ARHGAP32: variants seen among roughly 807,000 people sequenced by gnomAD.
ARHGAP32 encodes the protein Rho GTPase activating protein 32, also known as rho GTPase-activating protein 32.
In ARHGAP32, 51 loss-of-function variants were observed where a neutral mutation model predicts 186.5. That is an observed-to-expected ratio of 0.27 (90% confidence interval 0.22 to 0.35). The LOEUF is 0.35. Among genes scored for constraint, ARHGAP32 ranks in the 10% least tolerant of loss-of-function variants. The pLI is 1.00. For synonymous variants in ARHGAP32, 950 were observed against 964.3 expected (o/e 0.99, Z 0.27); for missense variants, 2,186 against 2,623.5 (o/e 0.83, Z 3.64).
intron 1 of ARHGAP32, among the ~76,000 whole-genome samples, chr11:129,262,395 T>G (rs1280249809): frequency 6.6e-6 from 1 of 152,156 alleles, no homozygotes; most frequent in Non-Finnish European, 1.5e-5. Flanking sequence ...TACTTTTTTT[T>G]TTTTTTGAGA....
At chr11:129,206,278 C>T (rs1382211535) in intron 1 of ARHGAP32, among the ~76,000 whole-genome samples, 1 of 152,162 alleles carries the variant, frequency 6.6e-6, no homozygotes, top group African/African-American at 2.4e-5. Context: ...GCAACACGGT[C>T]ATAACTCACT....
chr11:129,065,170 T>C (rs1252988577), intron 7 of ARHGAP32, among the ~76,000 whole-genome samples: 1 of 152,176 alleles, frequency 6.6e-6, no homozygotes, highest in Non-Finnish European at 1.5e-5. Context: ...TACTATTCCA[T>C]GGTTTCTAAT....
intron 5 of ARHGAP32, among the ~76,000 whole-genome samples, chr11:129,120,608 A>G (rs1942502344): frequency 6.6e-6 from 1 of 152,152 alleles, no homozygotes; most frequent in South Asian, 2.1e-4. Flanking sequence ...ATTTCATTCC[A>G]GAACTAAAAG....
At chr11:129,243,867 C>T (rs1945052502) in intron 1 of ARHGAP32, among the ~76,000 whole-genome samples, 2 of 152,212 alleles carry the variant, frequency 1.3e-5, no homozygotes, top group African/African-American at 4.8e-5. Flanking sequence ...TATTAGAGCT[C>T]TCGTAGCACT....
At chr11:129,174,241 A>T (rs966636425) in intron 1 of ARHGAP32, among the ~76,000 whole-genome samples, 2 of 152,226 alleles carry the variant, frequency 1.3e-5, no homozygotes, top group Non-Finnish European at 2.9e-5. Flanking sequence ...GACGGGCCTA[A>T]AAAATGGCGC....
chr11:129,038,091 A>G (rs1460041117), intron 11 of ARHGAP32, among the ~76,000 whole-genome samples: 1 of 151,864 alleles, frequency 6.6e-6, no homozygotes, highest in Non-Finnish European at 1.5e-5. Flanking sequence ...ACAGAGCAAG[A>G]CTCTGCCTCA....
At chr11:129,193,580 A>ATG (rs1944323780), upstream of ARHGAP32, among the ~76,000 whole-genome samples, 1 of 59,020 alleles carries the variant, frequency 1.7e-5, no homozygotes, top group Non-Finnish European at 3.1e-5. Flanking sequence ...ATATATATAT[A>ATG]TTATATAATA....
chr11:129,126,040 C>A, intron 2 of ARHGAP32: 1 of 439,704 alleles, frequency 2.3e-6, no homozygotes, highest in Non-Finnish European at 4.5e-6. Context: ...AAAGTTACTT[C>A]ATAATCCTAG....
intron 1 of ARHGAP32, among the ~76,000 whole-genome samples, chr11:129,228,845 T>C (rs1286342079): frequency 1.3e-5 from 2 of 152,158 alleles, no homozygotes; most frequent in African/African-American, 4.8e-5. Context: ...CCTGCACATG[T>C]ATCCCAGAAC....
upstream of ARHGAP32, among the ~76,000 whole-genome samples, chr11:129,193,704 T>TATATA (rs1944346282): frequency 4.9e-5 from 1 of 20,470 alleles, no homozygotes; most frequent in Non-Finnish European, 8.3e-5. Context: ...TAATATATAA[T>TATATA]ATATATTATA....
intron 1 of ARHGAP32, among the ~76,000 whole-genome samples, chr11:129,230,806 G>C (rs1192125969): frequency 6.6e-6 from 1 of 151,938 alleles, no homozygotes; most frequent in African/African-American, 2.4e-5. Flanking sequence ...CCATAAAAAA[G>C]AGCCCAAAAT....
chr11:129,078,838 G>A (rs570239286), intron 6 of ARHGAP32, among the ~76,000 whole-genome samples: 1 of 151,672 alleles, frequency 6.6e-6, no homozygotes, highest in East Asian at 1.9e-4. Context: ...AGAGAAAGGT[G>A]AAACCAACTT....
At position 129,057,362 on chromosome 11, in the gene ARHGAP32, C is replaced by G. The variant is rs577765571; in HGVS notation, c.963+4918G>C. On this transcript the variant is annotated intron_variant, in intron 10 of 22. Transcript: ENST00000682385. ...GAAACCAGCCTGGCTCAGGTAGGGACCTGTTCCCCACCAAGTCTATGTAAG... is the reference window on the plus strand; with the variant it reads ...GAAACCAGCCTGGCTCAGGTAGGGAGCTGTTCCCCACCAAGTCTATGTAAG... Among the ~76,000 whole-genome samples, 7 of 152,184 alleles carry G rather than the reference C, an allele frequency of 4.6e-5. No individual in the cohort carries two copies. In the South Asian group the frequency reaches 1.5e-3, roughly 32 times the overall value.
At chr11:129,261,968 A>G (rs1287256303) in intron 1 of ARHGAP32, among the ~76,000 whole-genome samples, 4 of 152,196 alleles carry the variant, frequency 2.6e-5, no homozygotes, top group African/African-American at 7.2e-5. Flanking sequence ...ATGTTTAGCG[A>G]TTACCATAAC....
chr11:129,100,381 T>C (rs972100601), intron 5 of ARHGAP32, among the ~76,000 whole-genome samples: 1 of 152,130 alleles, frequency 6.6e-6, no homozygotes, highest in Non-Finnish European at 1.5e-5. Context: ...TCCTGGGAGC[T>C]ATATCACAGC....
chr11:129,034,722 T>A (rs564308807), intron 11 of ARHGAP32, among the ~76,000 whole-genome samples: 18 of 70,022 alleles, frequency 2.6e-4, no homozygotes, highest in Admixed American at 8.0e-4. Flanking sequence ...GTATCCAAAC[T>A]GAAAACAAAA....
intron 2 of ARHGAP32, among the ~76,000 whole-genome samples, chr11:129,156,660 C>G (rs1452850287): frequency 6.6e-6 from 1 of 152,126 alleles, no homozygotes; most frequent in African/African-American, 2.4e-5. Flanking sequence ...CTTCATCAGA[C>G]CTAAACGTTC....
intron 5 of ARHGAP32, among the ~76,000 whole-genome samples, chr11:129,104,582 C>A (rs1318528064): frequency 6.7e-6 from 1 of 149,662 alleles, no homozygotes; most frequent in Non-Finnish European, 1.5e-5. Context: ...GAAATTAAGA[C>A]TAGAAATAAA....
At chr11:129,270,150 T>C (rs1051830816) in intron 1 of ARHGAP32, among the ~76,000 whole-genome samples, 2 of 151,904 alleles carry the variant, frequency 1.3e-5, no homozygotes, top group Non-Finnish European at 2.9e-5. Context: ...AAATAAACTG[T>C]AGTATATCCA....
Sources: allele counts gnomAD v4.1 joint callset (sites outside exome capture counted in the v4.1 genomes callset), GRCh38; gene constraint gnomAD v4.1.1; transcripts MANE v1.5; gene names NCBI Gene and HGNC (gene_info 2026-07-23, HGNC 2026-07-21).